SOWAHC: variants seen among roughly 807,000 people sequenced by gnomAD.
The protein encoded by SOWAHC is sosondowah ankyrin repeat domain family member C.
Under a neutral mutation model 14.4 loss-of-function variants are expected in SOWAHC, and 12 were observed. The observed-to-expected ratio is 0.83, with a 90% CI of 0.53 to 1.35. The LOEUF is 1.35. Ranked by LOEUF, SOWAHC falls within the 40% of genes most tolerant of loss-of-function variation. The pLI, the probability that SOWAHC is intolerant of heterozygous loss-of-function variation, is 0.00. For missense variants in SOWAHC, 771 were observed against 752.8 expected, an observed-to-expected ratio of 1.02 and a Z score of -0.28; for synonymous variants, 398 against 347.0, an observed-to-expected ratio of 1.15 and a Z score of -1.63.
Position 109,614,497 on chromosome 2 carries a change from G to T in SOWAHC, c.8G>T (p.Gly3Val). ...GGAGCAGCGCGGTCGAGGATGGAGG[G>T]GCCGGCAGAGTGGGGCCCCGAGGCG... ME[G>V]PAEWGPEAAL... is the part of the protein sequence containing the mutation. The change falls in exon 1 of 1, where the codon GGG becomes GTG. Residue 3 changes from glycine (G) to valine (V), a missense_variant. Gly to Val is a moderately radical substitution (Grantham distance 109). Transcript: ENST00000356454. 1 of 1,246,980 alleles carries T rather than the reference G, an allele frequency of 8.0e-7. No homozygotes were observed. The highest frequency in any genetic ancestry group is 3.3e-5 in the South Asian group (1 of 30,432). 77.2% of individuals were successfully genotyped at this position (1,246,980 alleles called of 1,614,324 possible). A position where few individuals can be genotyped will look rare whatever the true frequency, so the allele number is the denominator to read the frequency against.
Position 109,616,205 on chromosome 2 carries a change from T to C in SOWAHC, c.*138T>C. Reference sequence around the variant, plus strand: ...GGGATCGGAATGGATGGGGCGGAGTTCTCTTCAGGCTAGCCTTCTGGGAAA... The same window carrying C: ...GGGATCGGAATGGATGGGGCGGAGTCCTCTTCAGGCTAGCCTTCTGGGAAA... On this transcript the variant is annotated 3_prime_UTR_variant, in exon 1 of 1. Transcript: ENST00000356454. 1 of 1,310,524 alleles carries C rather than the reference T, an allele frequency of 7.6e-7. No individual in the cohort carries two copies. Among genetic ancestry groups the C allele is most frequent in the Non-Finnish European group, 9.8e-7 (1 of 1,015,354 alleles). The allele number at this position is 1,310,524 out of a possible 1,614,324, so 81.2% of individuals were successfully genotyped here.
Position 109,616,046 on chromosome 2 carries a change from A to C in SOWAHC, c.1557A>C (p.Pro519=). ...GCCACTCGCCCTTCACATTGAGACCAAAGTCCAATGTATTTGGGTAAAAAT... is the reference window on the plus strand; with the variant it reads ...GCCACTCGCCCTTCACATTGAGACCCAAGTCCAATGTATTTGGGTAAAAAT... ...VKGHSPFTLR[P]KSNVFG is the part of the protein sequence containing the mutation. Residue 519 remains proline, a synonymous_variant, in exon 1 of 1, where the codon CCA becomes CCC. Transcript: ENST00000356454. 1 of 1,513,426 alleles carries C rather than the reference A, an allele frequency of 6.6e-7. No individual in the cohort carries two copies. Among genetic ancestry groups the C allele is most frequent in the Non-Finnish European group, 8.8e-7 (1 of 1,132,410 alleles). 93.7% of individuals were successfully genotyped at this position (1,513,426 alleles called of 1,614,324 possible).
In SOWAHC at chr2:109,616,082, A is replaced by G. The variant is rs953898350; in HGVS notation, c.*15A>G. On this transcript the variant is annotated 3_prime_UTR_variant, in exon 1 of 1. Transcript: ENST00000356454. ...TATTTGGGTAAAAATTGCTTCTTTT[A>G]GAAAATGCAAAGGTTTATTTGTCTT... is the stretch of plus-strand genomic sequence containing the variant. The G allele has an allele frequency of 8.0e-6, 12 of 1,493,238 alleles. No individual in the cohort carries two copies. The highest frequency in any genetic ancestry group is 1.4e-5 in the African/African-American group (1 of 71,272). The allele number at this position is 1,493,238 out of a possible 1,614,324, so 92.5% of individuals were successfully genotyped here.
At position 109,618,001 on chromosome 2, in the gene SOWAHC, C is replaced by T. The variant is rs201019601; in HGVS notation, c.*1934C>T. 17 of 146,740 alleles carry T rather than the reference C, an allele frequency of 1.2e-4. No homozygotes were observed. Among genetic ancestry groups the T allele is most frequent in the African/African-American group, 4.9e-4 (16 of 32,760 alleles). The allele number at this position is 146,740 out of a possible 1,614,324, so 9.1% of individuals were successfully genotyped here. On this transcript the variant is annotated 3_prime_UTR_variant, in exon 1 of 1. Coordinates refer to ENST00000356454, the MANE Select transcript of SOWAHC (RefSeq NM_023016.4). ...CGACACTGCACTCCAGCCTGGGCAACGGAGACTCTGTCTCAAAAAAAAAAA... is the reference window on the plus strand; with the variant it reads ...CGACACTGCACTCCAGCCTGGGCAATGGAGACTCTGTCTCAAAAAAAAAAA...
Position 109,618,707 on chromosome 2 carries a change from C to T in SOWAHC, c.*2640C>T. On this transcript the variant is annotated 3_prime_UTR_variant, in exon 1 of 1. Coordinates refer to ENST00000356454, the MANE Select transcript of SOWAHC (RefSeq NM_023016.4). Reference sequence around the variant, plus strand: ...TTAATGGAAAAATACATGTCAGATACTTAGATGTTTATTGATATGAGACTA... The same window carrying T: ...TTAATGGAAAAATACATGTCAGATATTTAGATGTTTATTGATATGAGACTA... The T allele has an allele frequency of 6.0e-6, 1 of 167,024 alleles. No individual in the cohort carries two copies. The allele number at this position is 167,024 out of a possible 1,614,324, so 10.3% of individuals were successfully genotyped here. A position where few individuals can be genotyped will look rare whatever the true frequency, so the allele number is the denominator to read the frequency against.
Position 109,615,885 on chromosome 2 carries a change from G to A in SOWAHC, c.1396G>A (p.Gly466Arg). 2 of 1,613,324 alleles carry A rather than the reference G, an allele frequency of 1.2e-6. No individual in the cohort carries two copies. The highest frequency in any genetic ancestry group is 1.7e-6 in the Non-Finnish European group (2 of 1,179,722). Residue 466 changes from glycine to arginine, a missense_variant, in exon 1 of 1, where the codon GGA becomes AGA. Transcript: ENST00000356454. ...PGRKASGSSSGRIKPRLNKIR... is the reference protein window; with the variant it reads ...PGRKASGSSSRRIKPRLNKIR... ...GCGCAAAGCCTCGGGCAGCTCTAGT[G>A]GACGTATAAAACCCAGACTCAACAA...
In SOWAHC at chr2:109,614,812, G is replaced by T; in HGVS notation, c.323G>T (p.Gly108Val). The T allele has an allele frequency of 1.4e-6, 2 of 1,453,906 alleles. No individual in the cohort carries two copies. Among genetic ancestry groups the T allele is most frequent in the Admixed American group, 2.7e-5 (1 of 37,714 alleles). 90.1% of individuals were successfully genotyped at this position (1,453,906 alleles called of 1,614,324 possible). The change falls in exon 1 of 1, where the codon GGC becomes GTC. Residue 108 changes from glycine (G) to valine (V), a missense_variant. Transcript: ENST00000356454. Reference protein sequence around the residue: ...QVTAEPEAPDGPAGPEARDRL... With the variant: ...QVTAEPEAPDVPAGPEARDRL... ...ACCGCCGAGCCCGAGGCCCCCGACG[G>T]CCCTGCCGGGCCCGAGGCGCGCGAT... is the stretch of plus-strand genomic sequence containing the variant.
In SOWAHC at chr2:109,615,798, G is replaced by A. The variant is rs1700127072; in HGVS notation, c.1309G>A (p.Asp437Asn). The change falls in exon 1 of 1, where the codon GAC (aspartate) becomes AAC (asparagine). Residue 437 changes from aspartate to asparagine, a missense_variant. Asp to Asn is a conservative substitution (Grantham distance 23, BLOSUM62 1). Transcript: ENST00000356454. ...CTCACACGCCCTAGAAGATGGAGGG[G>A]ACCATCACCACCATCACCACTCGGC... is the stretch of plus-strand genomic sequence containing the variant. The part of the protein sequence containing the change: ...KLSHALEDGG[D>N]HHHHHHSAEG... 6.2e-7 allele frequency: 1 copy of A among 1,614,122 alleles called. No homozygotes were observed.
At position 109,615,740 on chromosome 2, in the gene SOWAHC, G is replaced by A. The variant is rs1700123345; in HGVS notation, c.1251G>A (p.Lys417=). Residue 417 remains lysine (K), a synonymous_variant, in exon 1 of 1, where the codon AAG becomes AAA. Coordinates refer to ENST00000356454, the MANE Select transcript of SOWAHC (RefSeq NM_023016.4). ...GSGGGRWRLS[K]VLPSHLITYK... ...GCGGCGGGCGCTGGAGGCTTTCAAAGGTGCTTCCCTCGCATCTCATCACCT... is the reference window on the plus strand; with the variant it reads ...GCGGCGGGCGCTGGAGGCTTTCAAAAGTGCTTCCCTCGCATCTCATCACCT... 6 of 1,613,880 alleles carry A rather than the reference G, an allele frequency of 3.7e-6. No individual in the cohort carries two copies. Among genetic ancestry groups the A allele is most frequent in the Non-Finnish European group, 5.1e-6 (6 of 1,179,992 alleles).
In SOWAHC at chr2:109,614,983, C is replaced by T. The variant is rs997067471; in HGVS notation, c.494C>T (p.Pro165Leu). ...TCGCGGCGCGACGTGCAGCCCCTAC[C>T]GCGGACTCCAGCCCCGGGGCCCAGC... ...KNSRRDVQPL[P>L]RTPAPGPSED... Residue 165 changes from proline to leucine, a missense_variant, in exon 1 of 1, where the codon CCG (proline) becomes CTG (leucine). Coordinates refer to ENST00000356454, the MANE Select transcript of SOWAHC (RefSeq NM_023016.4). The T allele has an allele frequency of 6.5e-7, 1 of 1,540,400 alleles. No individual in the cohort carries two copies. The highest frequency in any genetic ancestry group is 8.7e-7 in the Non-Finnish European group (1 of 1,145,900).
rs148213551 is a variant in SOWAHC, at chr2:109,616,780, G to T, written c.*713G>T. 3 of 166,994 alleles carry T rather than the reference G, an allele frequency of 1.8e-5. No homozygotes were observed. The East Asian group carries it at 5.8e-4, about 32-fold the overall frequency. 10.3% of individuals were successfully genotyped at this position (166,994 alleles called of 1,614,324 possible). ...ACCTATCTCTAACACCACTATTAAGGTACACCAGTGTTAAGGTACATTAAT... is the reference window on the plus strand; with the variant it reads ...ACCTATCTCTAACACCACTATTAAGTTACACCAGTGTTAAGGTACATTAAT... On this transcript the variant is annotated 3_prime_UTR_variant, in exon 1 of 1. Transcript: ENST00000356454.
In SOWAHC at chr2:109,615,094, G is replaced by T. The variant is rs1179896354; in HGVS notation, c.605G>T (p.Arg202Leu). The T allele has an allele frequency of 1.9e-6, 3 of 1,549,526 alleles. No homozygotes were observed. Among genetic ancestry groups the T allele is most frequent in the African/African-American group, 1.4e-5 (1 of 73,028 alleles). Residue 202 changes from arginine to leucine, a missense_variant, in exon 1 of 1, where the codon CGC becomes CTC. Coordinates refer to ENST00000356454, the MANE Select transcript of SOWAHC (RefSeq NM_023016.4). ...LVGATAQRPARQNLRDLVMGS... is the reference protein window; with the variant it reads ...LVGATAQRPALQNLRDLVMGS... ...GGGGCTACCGCACAGAGGCCGGCCC[G>T]CCAGAACCTCCGTGACCTGGTGATG...
chr2:109,614,384 C>A lies in SOWAHC; in HGVS notation c.-106C>A, dbSNP rs1699982627. The A allele has an allele frequency of 2.2e-6, 2 of 911,964 alleles. No individual in the cohort carries two copies. The highest frequency in any genetic ancestry group is 1.7e-5 in the African/African-American group (1 of 57,400). 56.5% of individuals were successfully genotyped at this position (911,964 alleles called of 1,614,324 possible). A position where few individuals can be genotyped will look rare whatever the true frequency, so the allele number is the denominator to read the frequency against. ...GCCTCAGACGCGTAGGCTGGCAGCC[C>A]GCTGAGCCCGCCAGACTCCGCCGCC... On this transcript the variant is annotated 5_prime_UTR_variant, in exon 1 of 1. Transcript: ENST00000356454.
At position 109,616,535 on chromosome 2, in the gene SOWAHC, G is replaced by GT. The variant is rs1700155160; in HGVS notation, c.*473dup. 1 of 167,082 alleles carries GT rather than the reference G, an allele frequency of 6.0e-6. No homozygotes were observed. Among genetic ancestry groups the GT allele is most frequent in the Non-Finnish European group, 1.5e-5 (1 of 68,200 alleles). The allele number at this position is 167,082 out of a possible 1,614,324, so 10.3% of individuals were successfully genotyped here. On this transcript the variant is annotated 3_prime_UTR_variant, in exon 1 of 1. Coordinates refer to ENST00000356454, the MANE Select transcript of SOWAHC (RefSeq NM_023016.4). ...AAGTGTGAAAACGACAGGCTGCCCC[G>GT]TTTTTACTAATTGCATTTGCATTTT...
In SOWAHC at chr2:109,617,883, G is replaced by A. The variant is rs368289006; in HGVS notation, c.*1816G>A. ...AAAATACAAAAATTAGCCGAGCGTG[G>A]TGGTGCGTGCCTGTAGTCCCAGCTA... On this transcript the variant is annotated 3_prime_UTR_variant, in exon 1 of 1. Coordinates refer to ENST00000356454, the MANE Select transcript of SOWAHC (RefSeq NM_023016.4). The A allele has an allele frequency of 6.2e-6, 1 of 160,894 alleles. No individual in the cohort carries two copies. The highest frequency in any genetic ancestry group is 1.9e-4 in the East Asian group (1 of 5,178). The allele number at this position is 160,894 out of a possible 1,614,324, so 10.0% of individuals were successfully genotyped here.
At position 109,615,433 on chromosome 2, in the gene SOWAHC, A is replaced by T. The variant is rs773751862; in HGVS notation, c.944A>T (p.Gln315Leu). The change falls in exon 1 of 1, where the codon CAG becomes CTG. Residue 315 changes from glutamine to leucine, a missense_variant. Gln to Leu is a moderately radical substitution (Grantham distance 113, BLOSUM62 -2). Coordinates refer to ENST00000356454, the MANE Select transcript of SOWAHC (RefSeq NM_023016.4). ...CLHWAAKHGR[Q>L]ELLAMLVNFA... ...CACTGGGCCGCCAAGCACGGCAGGC[A>T]GGAGCTTCTGGCCATGCTAGTCAAC... The T allele has an allele frequency of 3.7e-6, 6 of 1,612,974 alleles. No individual in the cohort carries two copies. In the Admixed American group the frequency reaches 1.0e-4, roughly 27 times the overall value.
chr2:109,617,305 A>G lies in SOWAHC; in HGVS notation c.*1238A>G, dbSNP rs1700162510. ...CTTTATAAAAGGGAATAGAGAAGAG[A>G]TGGGACTATTTCTATATTTAAATGC... is the stretch of plus-strand genomic sequence containing the variant. On this transcript the variant is annotated 3_prime_UTR_variant, in exon 1 of 1. Transcript: ENST00000356454. 1 of 167,096 alleles carries G rather than the reference A, an allele frequency of 6.0e-6. No homozygotes were observed. Among genetic ancestry groups the G allele is most frequent in the African/African-American group, 2.4e-5 (1 of 41,458 alleles). 10.4% of individuals were successfully genotyped at this position (167,096 alleles called of 1,614,324 possible).
At position 109,614,780 on chromosome 2, in the gene SOWAHC, C is replaced by G. The variant is rs1700027149; in HGVS notation, c.291C>G (p.Ile97Met). 2.0e-6 allele frequency: 3 copies of G among 1,477,916 alleles called. No homozygotes were observed. The highest frequency in any genetic ancestry group is 2.7e-6 in the Non-Finnish European group (3 of 1,119,716). 91.6% of individuals were successfully genotyped at this position (1,477,916 alleles called of 1,614,324 possible). ...AGCCCTCCGGGGACCCGCCGCGAAT[C>G]CAGGTGACCGCCGAGCCCGAGGCCC... ...PSEPSGDPPRIQVTAEPEAPD... is the reference protein window; with the variant it reads ...PSEPSGDPPRMQVTAEPEAPD... The change falls in exon 1 of 1, where the codon ATC becomes ATG. Residue 97 changes from isoleucine to methionine, a missense_variant. By Grantham distance (10) the Ile-to-Met change is conservative. Coordinates refer to ENST00000356454, the MANE Select transcript of SOWAHC (RefSeq NM_023016.4).
Position 109,617,305 on chromosome 2 carries a change from A to T in SOWAHC, c.*1238A>T, listed in dbSNP as rs1700162510. ...CTTTATAAAAGGGAATAGAGAAGAG[A>T]TGGGACTATTTCTATATTTAAATGC... On this transcript the variant is annotated 3_prime_UTR_variant, in exon 1 of 1. Coordinates refer to ENST00000356454, the MANE Select transcript of SOWAHC (RefSeq NM_023016.4). 6.0e-6 allele frequency: 1 copy of T among 167,096 alleles called. No individual in the cohort carries two copies. The highest frequency in any genetic ancestry group is 6.5e-5 in the Admixed American group (1 of 15,290). The allele number at this position is 167,096 out of a possible 1,614,324, so 10.4% of individuals were successfully genotyped here.
Sources: gnomAD v4.1 joint callset for allele counts on GRCh38, gnomAD v4.1.1 for gene constraint, MANE v1.5 for transcripts, NCBI Gene and HGNC (gene_info 2026-07-23, HGNC 2026-07-21) for gene names.